PTPRT: variants seen among roughly 807,000 people sequenced by gnomAD.
PTPRT encodes receptor-type tyrosine-protein phosphatase T.
In PTPRT, 56 loss-of-function variants were observed where a neutral mutation model predicts 176.8. That is an observed-to-expected ratio of 0.32 (90% CI 0.26 to 0.40). The LOEUF (loss-of-function observed/expected upper bound fraction) is 0.40. Among genes scored for constraint, PTPRT ranks in the 10% least tolerant of loss-of-function variants. The probability of loss-of-function intolerance (pLI) is 1.00; values close to 1 mark genes in which losing one functional copy is unlikely to be tolerated. For synonymous variants in PTPRT, 783 were observed against 739.0 expected (o/e 1.06, Z -0.96); for missense variants, 1,540 against 1,908.2 (o/e 0.81, Z 3.60).
At chr20:42,848,767 G>C (rs1430434979) in intron 2 of PTPRT, among the ~76,000 whole-genome samples, 1 of 152,038 alleles carries the variant, frequency 6.6e-6, no homozygotes, top group Admixed American at 6.6e-5. Context: ...TGGACTGTCT[G>C]TTTATTCTGC....
At chr20:42,134,144 C>T (rs1234655413) in intron 18 of PTPRT, among the ~76,000 whole-genome samples, 2 of 152,156 alleles carry the variant, frequency 1.3e-5, no homozygotes, top group Non-Finnish European at 2.9e-5. Flanking sequence ...TTCTGTGTCC[C>T]CTTCTTCTTC....
intron 1 of PTPRT, among the ~76,000 whole-genome samples, chr20:42,996,464 C>T (rs6030596): frequency 0.25 from 37,916 of 152,098 alleles, 5,256 homozygotes; most frequent in African/African-American, 0.38. Flanking sequence ...TCCGTGATTG[C>T]TTCCTTCCAG....
chr20:42,535,568 A>G (rs757876606), intron 7 of PTPRT, among the ~76,000 whole-genome samples: 12 of 152,224 alleles, frequency 7.9e-5, no homozygotes, highest in Non-Finnish European at 1.5e-4. Context: ...CTAGACAGCT[A>G]GCTATCCAAG....
intron 16 of PTPRT, among the ~76,000 whole-genome samples, chr20:42,196,062 C>A (rs990589144): frequency 6.6e-6 from 1 of 152,130 alleles, no homozygotes; most frequent in Non-Finnish European, 1.5e-5. Flanking sequence ...GATTGAGAAC[C>A]AATATCTAAA....
chr20:42,892,364 G>T (rs1408384840), intron 1 of PTPRT, among the ~76,000 whole-genome samples: 5 of 152,080 alleles, frequency 3.3e-5, no homozygotes, highest in Admixed American at 6.5e-5. Flanking sequence ...CCAAAGCCTG[G>T]GTACTTTCCA....
At chr20:42,382,118 A>G (rs2058703343) in intron 9 of PTPRT, among the ~76,000 whole-genome samples, 1 of 152,168 alleles carries the variant, frequency 6.6e-6, no homozygotes, top group Non-Finnish European at 1.5e-5. Flanking sequence ...TTTGCACCCC[A>G]TTTACATTAA....
At position 42,583,130 on chromosome 20, in the gene PTPRT, A is replaced by G. The variant is rs547089207; in HGVS notation, c.1153+94736T>C. ...ATATAAATCAATGAATGATGAGAAT[A>G]TCTTGCAACTCCTTCAAACCGACAG... On this transcript the variant is annotated intron_variant, in intron 7 of 30. Transcript: ENST00000373187. Among the ~76,000 whole-genome samples the G allele has an allele frequency of 2.8e-3, 427 of 152,314 alleles. 4 individuals are homozygous for G. Among genetic ancestry groups the G allele is most frequent in the African/African-American group, 1.0e-2 (415 of 41,572 alleles).
intron 6 of PTPRT, among the ~76,000 whole-genome samples, chr20:42,737,962 G>A (rs1245034513): frequency 6.6e-6 from 1 of 152,126 alleles, no homozygotes; most frequent in Non-Finnish European, 1.5e-5. Flanking sequence ...CGAGGGGTAG[G>A]GAGCTGCTGA....
chr20:42,412,310 C>G (rs1402394953), intron 9 of PTPRT, among the ~76,000 whole-genome samples: 2 of 152,118 alleles, frequency 1.3e-5, no homozygotes, highest in African/African-American at 4.8e-5. Flanking sequence ...TGAAAAATTC[C>G]CAACAGCATC....
chr20:42,388,977 A>G (rs1296857409), intron 9 of PTPRT, among the ~76,000 whole-genome samples: 3 of 152,116 alleles, frequency 2.0e-5, no homozygotes, highest in Non-Finnish European at 4.4e-5. Flanking sequence ...TCCTTTGTAG[A>G]GACATGGATG....
intron 16 of PTPRT, among the ~76,000 whole-genome samples, chr20:42,198,993 A>G (rs529154177): frequency 1.3e-5 from 2 of 152,250 alleles, no homozygotes; most frequent in Admixed American, 1.3e-4. Flanking sequence ...ATTTATGTCC[A>G]CAAGCAGTTA....
At chr20:42,108,220 T>C (rs1986657881) in intron 23 of PTPRT, among the ~76,000 whole-genome samples, 1 of 149,268 alleles carries the variant, frequency 6.7e-6, no homozygotes, top group Non-Finnish European at 1.5e-5. Flanking sequence ...CATACCTCCC[T>C]GCAGGGTCCT....
chr20:42,786,639 C>A (rs778793416), intron 3 of PTPRT, among the ~76,000 whole-genome samples: 3 of 152,146 alleles, frequency 2.0e-5, no homozygotes, highest in Non-Finnish European at 2.9e-5. Context: ...AAAAGCATGG[C>A]AAATGGTATG....
intron 13 of PTPRT, among the ~76,000 whole-genome samples, chr20:42,273,659 T>C (rs2056978403): frequency 6.6e-6 from 1 of 152,270 alleles, no homozygotes; most frequent in African/African-American, 2.4e-5. Flanking sequence ...TACATATCAA[T>C]ACTAAGTTGT....
At chr20:43,173,442 C>T (rs971275707) in intron 1 of PTPRT, among the ~76,000 whole-genome samples, 7 of 152,182 alleles carry the variant, frequency 4.6e-5, no homozygotes, top group Admixed American at 6.5e-5. Flanking sequence ...CTGATGCATC[C>T]TACAAATGCA....
chr20:42,282,036 C>T (rs369754091), intron 13 of PTPRT, among the ~76,000 whole-genome samples: 25 of 152,242 alleles, frequency 1.6e-4, no homozygotes, highest in African/African-American at 4.3e-4. Context: ...TTTGTCTTCT[C>T]ATTACTAAAG....
At chr20:42,623,435 T>C (rs2074235464) in intron 7 of PTPRT, among the ~76,000 whole-genome samples, 1 of 152,202 alleles carries the variant, frequency 6.6e-6, no homozygotes, top group African/African-American at 2.4e-5. Context: ...ACATGTCATG[T>C]GGGGGAAGCA....
chr20:42,654,673 A>G (rs988838847), intron 7 of PTPRT, among the ~76,000 whole-genome samples: 2 of 152,218 alleles, frequency 1.3e-5, no homozygotes, highest in African/African-American at 4.8e-5. Flanking sequence ...GACTCTCTAC[A>G]TATCTGTTCA....
At chr20:42,201,530 G>A (rs1326480128) in intron 15 of PTPRT, among the ~76,000 whole-genome samples, 2 of 152,046 alleles carry the variant, frequency 1.3e-5, no homozygotes, top group Non-Finnish European at 2.9e-5. Context: ...GGTGACAAAT[G>A]TATAGAGACC....
Sources: allele counts gnomAD v4.1 joint callset (sites outside exome capture counted in the v4.1 genomes callset), GRCh38; gene constraint gnomAD v4.1.1; transcripts MANE v1.5; gene names NCBI Gene and HGNC (gene_info 2026-07-23, HGNC 2026-07-21).